Variants in HES7 observed in about 807,000 individuals in gnomAD.
The protein encoded by HES7 is hes family bHLH transcription factor 7.
HES7 carries 8 observed loss-of-function variants against 18.0 expected under a neutral mutation model. The ratio of observed to expected loss-of-function variants is 0.45; its 90% confidence interval spans 0.26 to 0.80. The LOEUF is 0.80. HES7 is among the 30% of genes least tolerant of loss of function. The probability of loss-of-function intolerance (pLI) is 0.18; values close to 1 mark genes in which losing one functional copy is unlikely to be tolerated. For missense variants in HES7, 356 were observed against 340.9 expected (o/e 1.04, Z -0.35); for synonymous variants, 170 against 158.6 (o/e 1.07, Z -0.54).
Position 8,121,972 on chromosome 17 carries a change from A to G in HES7, c.292T>C (p.Leu98=). ...QDAEALASCY[L]SGFRECLLRL... The stretch of plus-strand genomic sequence containing the variant: ...AGCAGGCACTCGCGGAAACCGGACA[A>G]GTAGCAGCTGGCGAGCGCCTCGGCG... The change falls in exon 4 of 4, where the codon TTG becomes CTG. Residue 98 remains leucine, a synonymous_variant. Transcript: ENST00000541682. The G allele has an allele frequency of 1.3e-6, 2 of 1,547,978 alleles. No homozygotes were observed. Among genetic ancestry groups the G allele is most frequent in the Non-Finnish European group, 1.7e-6 (2 of 1,157,120 alleles).
rs926311542 is a variant in HES7 at position 8,121,003 on chromosome 17, A to C, written c.*568T>G. On this transcript the variant is annotated 3_prime_UTR_variant, in exon 4 of 4. Coordinates refer to ENST00000541682, the MANE Select transcript of HES7 (RefSeq NM_001165967.2). ...TTCAAAGGTTGTGGGTTCGAATCCC[A>C]CCAGAGTCGATTTTATTTCAATTTT... 1 of 152,636 alleles carries C rather than the reference A, an allele frequency of 6.6e-6. No individual in the cohort carries two copies. The highest frequency in any genetic ancestry group is 2.4e-5 in the African/African-American group (1 of 41,428). 9.5% of individuals were successfully genotyped at this position (152,636 alleles called of 1,614,324 possible).
In HES7 at chr17:8,123,401, A is replaced by C; in HGVS notation, c.43-275T>G. 1.5e-5 allele frequency: 8 copies of C among 527,520 alleles called. No homozygotes were observed. The highest frequency in any genetic ancestry group is 4.3e-5 in the South Asian group (2 of 46,138). The allele number at this position is 527,520 out of a possible 1,614,324, so 32.7% of individuals were successfully genotyped here. ...GTGTCTCTCCTCCTCTTTTCTCTCT[A>C]CGTCTCCGTCTGGTGCAGTTTCTCT... On this transcript the variant is annotated intron_variant, in intron 1 of 3. Transcript: ENST00000541682. This position sits in a 1 kb window ranked among gnomAD's most constrained non-coding sequence, Gnocchi z 5.9.
Position 8,121,363 on chromosome 17 carries a change from A to G in HES7, c.*208T>C. 1 of 397,140 alleles carries G rather than the reference A, an allele frequency of 2.5e-6. No homozygotes were observed. The highest frequency in any genetic ancestry group is 4.4e-6 in the Non-Finnish European group (1 of 227,864). The allele number at this position is 397,140 out of a possible 1,614,324, so 24.6% of individuals were successfully genotyped here. On this transcript the variant is annotated 3_prime_UTR_variant, in exon 4 of 4. Transcript: ENST00000541682. Reference sequence around the variant, plus strand: ...AGTACAATCCTAGACGCAAGGGAGAAGTTGGGGCAGGGAAAAGGGACAGGA... The same window carrying G: ...AGTACAATCCTAGACGCAAGGGAGAGGTTGGGGCAGGGAAAAGGGACAGGA...
In HES7 at chr17:8,123,414, G is replaced by A; in HGVS notation, c.43-288C>T. 1.9e-6 allele frequency: 1 copy of A among 527,136 alleles called. No homozygotes were observed. Among genetic ancestry groups the A allele is most frequent in the South Asian group, 2.1e-5 (1 of 47,018 alleles). The allele number at this position is 527,136 out of a possible 1,614,324, so 32.7% of individuals were successfully genotyped here. On this transcript the variant is annotated intron_variant, in intron 1 of 3. Transcript: ENST00000541682. The surrounding 1 kb of genome is among the most constrained non-coding windows in gnomAD (Gnocchi z 5.9). ...TCTTTTCTCTCTACGTCTCCGTCTG[G>A]TGCAGTTTCTCTTTGTCTCAGTGGA... is the stretch of plus-strand genomic sequence containing the variant.
chr17:8,122,579 G>A lies in HES7; in HGVS notation c.139-149C>T. The A allele has an allele frequency of 4.5e-6, 3 of 665,764 alleles. No individual in the cohort carries two copies. Among genetic ancestry groups the A allele is most frequent in the South Asian group, 1.8e-5 (1 of 56,754 alleles). 41.2% of individuals were successfully genotyped at this position (665,764 alleles called of 1,614,324 possible). On this transcript the variant is annotated intron_variant, in intron 2 of 3. Coordinates refer to ENST00000541682, the MANE Select transcript of HES7 (RefSeq NM_001165967.2). This position sits in a 1 kb window ranked among gnomAD's most constrained non-coding sequence, Gnocchi z 6.9. ...GCCCACAGAACGCGCGACCAAATGC[G>A]GAGTGGAGATGACCAAGGAAAGTCC...
At chr17:8,125,480 G>T (rs1406231560), upstream of HES7, among the ~76,000 whole-genome samples, 1 of 152,194 alleles carries the variant, frequency 6.6e-6, no homozygotes, top group Non-Finnish European at 1.5e-5. Context: ...CCCCCTCCTT[G>T]GGAACCTGGG....
Position 8,123,963 on chromosome 17 carries a change from T to C in HES7, c.42+80A>G, listed in dbSNP as rs1038870280. On this transcript the variant is annotated intron_variant, in intron 1 of 3. Coordinates refer to ENST00000541682, the MANE Select transcript of HES7 (RefSeq NM_001165967.2). This position sits in a 1 kb window ranked among gnomAD's most constrained non-coding sequence, Gnocchi z 5.9. ...CCCTTCCACCCCTGCGTCCCCAGCCTCTCTCCAGACCGACGGCGTCAGGGG... is the reference window on the plus strand; with the variant it reads ...CCCTTCCACCCCTGCGTCCCCAGCCCCTCTCCAGACCGACGGCGTCAGGGG... 3.8e-5 allele frequency: 58 copies of C among 1,516,754 alleles called. 1 individual carries two copies. The highest frequency in any genetic ancestry group is 3.4e-4 in the Middle Eastern group (2 of 5,878). The allele number at this position is 1,516,754 out of a possible 1,614,324, so 94.0% of individuals were successfully genotyped here.
In HES7 at chr17:8,123,948, C is replaced by G; in HGVS notation, c.42+95G>C. The G allele has an allele frequency of 7.2e-7, 1 of 1,389,310 alleles. No homozygotes were observed. The highest frequency in any genetic ancestry group is 1.0e-6 in the Non-Finnish European group (1 of 988,194). 86.1% of individuals were successfully genotyped at this position (1,389,310 alleles called of 1,614,324 possible). ...TCTGGAGCACCGCTCCCCTTCCACC[C>G]CTGCGTCCCCAGCCTCTCTCCAGAC... is the stretch of plus-strand genomic sequence containing the variant. On this transcript the variant is annotated intron_variant, in intron 1 of 3. Coordinates refer to ENST00000541682, the MANE Select transcript of HES7 (RefSeq NM_001165967.2). The surrounding 1 kb of genome is among the most constrained non-coding windows in gnomAD (Gnocchi z 5.9).
upstream of HES7, chr17:8,124,205 C>G (rs1981509126): frequency 8.2e-7 from 1 of 1,220,190 alleles, no homozygotes; most frequent in Non-Finnish European, 1.2e-6. Flanking sequence ...TTCTGCCCCT[C>G]TAGGACCCGG....
At position 8,122,506 on chromosome 17, in the gene HES7, A is replaced by C; in HGVS notation, c.139-76T>G. The C allele has an allele frequency of 9.7e-7, 1 of 1,034,868 alleles. No individual in the cohort carries two copies. The allele number at this position is 1,034,868 out of a possible 1,614,324, so 64.1% of individuals were successfully genotyped here. On this transcript the variant is annotated intron_variant, in intron 2 of 3. Coordinates refer to ENST00000541682, the MANE Select transcript of HES7 (RefSeq NM_001165967.2). The surrounding 1 kb of genome is among the most constrained non-coding windows in gnomAD (Gnocchi z 6.9). ...GGGAAAGTGGCAGGGGGAAGAAGGG[A>C]GGGACGGATGCGGGAGCTGGTGGTG...
At chr17:8,125,771 C>T (rs752314188), upstream of HES7, among the ~76,000 whole-genome samples, 7 of 152,228 alleles carry the variant, frequency 4.6e-5, no homozygotes, top group African/African-American at 7.2e-5. Context: ...TGGTAGAATT[C>T]TCGCCTGCCA....
Position 8,121,760 on chromosome 17 carries a change from T to TG in HES7, c.503dup (p.Val169SerfsTer7), listed in dbSNP as rs1598230723. 4 of 1,501,588 alleles carry TG rather than the reference T, an allele frequency of 2.7e-6. No individual in the cohort carries two copies. Among genetic ancestry groups the TG allele is most frequent in the Admixed American group, 4.5e-5 (2 of 44,260 alleles). 93.0% of individuals were successfully genotyped at this position (1,501,588 alleles called of 1,614,324 possible). A position where few individuals can be genotyped will look rare whatever the true frequency, so the allele number is the denominator to read the frequency against. ...GCGGGCTAGGGTGGCCCTGGTGCAC[T>TG]GGGGGGCGCTGGTGCAGCGCAGGGC... On this transcript the variant is annotated frameshift_variant, in exon 4 of 4. Transcript: ENST00000541682. LOFTEE classifies it high-confidence loss of function.
chr17:8,124,283 G>T (rs969668263), upstream of HES7, among the ~76,000 whole-genome samples: 1 of 152,106 alleles, frequency 6.6e-6, no homozygotes, highest in Non-Finnish European at 1.5e-5. Flanking sequence ...CTGGGAGTGC[G>T]GGAAGTGAGG....
chr17:8,123,961 C>T lies in HES7; in HGVS notation c.42+82G>A. 2 of 1,502,484 alleles carry T rather than the reference C, an allele frequency of 1.3e-6. No homozygotes were observed. The highest frequency in any genetic ancestry group is 1.8e-6 in the Non-Finnish European group (2 of 1,085,310). 93.1% of individuals were successfully genotyped at this position (1,502,484 alleles called of 1,614,324 possible). On this transcript the variant is annotated intron_variant, in intron 1 of 3. Coordinates refer to ENST00000541682, the MANE Select transcript of HES7 (RefSeq NM_001165967.2). This position sits in a 1 kb window ranked among gnomAD's most constrained non-coding sequence, Gnocchi z 5.9. ...TCCCCTTCCACCCCTGCGTCCCCAG[C>T]CTCTCTCCAGACCGACGGCGTCAGG...
At position 8,121,958 on chromosome 17, in the gene HES7, G is replaced by T. The variant is rs748097279; in HGVS notation, c.306C>A (p.Arg102=). 59 of 1,554,530 alleles carry T rather than the reference G, an allele frequency of 3.8e-5. No homozygotes were observed. The South Asian group carries it at 5.6e-4, about 15-fold the overall frequency. ...AGGCCGCCAAGCGAAGCAGGCACTC[G>T]CGGAAACCGGACAAGTAGCAGCTGG... ...ALASCYLSGF[R]ECLLRLAAFA... Residue 102 remains arginine, a synonymous_variant, in exon 4 of 4, where the codon CGC becomes CGA. Coordinates refer to ENST00000541682, the MANE Select transcript of HES7 (RefSeq NM_001165967.2).
upstream of HES7, among the ~76,000 whole-genome samples, chr17:8,125,779 C>T (rs1007456717): frequency 1.3e-5 from 2 of 152,222 alleles, no homozygotes; most frequent in Non-Finnish European, 1.5e-5. Flanking sequence ...TTCTCGCCTG[C>T]CACGCGGGAG....
chr17:8,121,298 G>A lies in HES7; in HGVS notation c.*273C>T. ...TAACCACTTTATTCCATGCACTAGG[G>A]ACTCGGGAAGGGACTGGGACTGGGC... is the stretch of plus-strand genomic sequence containing the variant. On this transcript the variant is annotated 3_prime_UTR_variant, in exon 4 of 4. Coordinates refer to ENST00000541682, the MANE Select transcript of HES7 (RefSeq NM_001165967.2). 1 of 350,440 alleles carries A rather than the reference G, an allele frequency of 2.9e-6. No individual in the cohort carries two copies. Among genetic ancestry groups the A allele is most frequent in the Non-Finnish European group, 5.1e-6 (1 of 196,244 alleles). 21.7% of individuals were successfully genotyped at this position (350,440 alleles called of 1,614,324 possible).
At chr17:8,124,274 T>C (rs907777430), upstream of HES7, among the ~76,000 whole-genome samples, 2 of 151,948 alleles carry the variant, frequency 1.3e-5, no homozygotes, top group African/African-American at 4.8e-5. Context: ...GAAACTGGCC[T>C]GGGAGTGCGG....
chr17:8,125,151 G>C (rs1196872514), upstream of HES7, among the ~76,000 whole-genome samples: 1 of 152,184 alleles, frequency 6.6e-6, no homozygotes. Context: ...TCAGGACAAA[G>C]TGTCTGAGAA....
Sources: gnomAD v4.1 joint callset for allele counts (sites outside exome capture counted in the v4.1 genomes callset) on GRCh38, gnomAD v4.1.1 for gene constraint, Gnocchi (gnomAD v3.1) non-coding constraint, MANE v1.5 for transcripts, NCBI Gene and HGNC (gene_info 2026-07-23, HGNC 2026-07-21) for gene names.